Variants in PPARA observed in about 807,000 individuals in gnomAD.
PPARA encodes peroxisome proliferator activated receptor alpha.
In PPARA, 22 loss-of-function variants were observed where a neutral mutation model predicts 42.2. The ratio of observed to expected loss-of-function variants is 0.52; its 90% CI spans 0.37 to 0.74. The LOEUF is 0.74. PPARA is among the 30% of genes least tolerant of loss of function. The pLI is 0.00. For missense variants in PPARA, 465 were observed against 608.2 expected, an observed-to-expected ratio of 0.76 and a Z score of 2.48; for synonymous variants, 242 against 239.3, an observed-to-expected ratio of 1.01 and a Z score of -0.10.
At chr22:46,157,501 C>T (rs143971793) in intron 2 of PPARA, among the ~76,000 whole-genome samples, 33 of 152,338 alleles carry the variant, frequency 2.2e-4, no homozygotes, top group African/African-American at 7.7e-4. Flanking sequence ...CCTCCCATTA[C>T]AGCGGTGTTA....
rs1601808172 is a variant in PPARA, at chr22:46,225,833, C to T, written c.711+5819C>T. Among the ~76,000 whole-genome samples, 4 of 150,346 alleles carry T rather than the reference C, an allele frequency of 2.7e-5. No individual in the cohort carries two copies. The South Asian group carries it at 8.4e-4, about 32-fold the overall frequency. On this transcript the variant is annotated intron_variant, in intron 7 of 8. Transcript: ENST00000407236. This position sits in a 1 kb window ranked among gnomAD's most constrained non-coding sequence, Gnocchi z 4.1. ...CCCACACATGCACACAGACGCACCT[C>T]CACCCCCACACACGCACACACACAC...
chr22:46,152,298 C>T (rs1444878301), intron 2 of PPARA, among the ~76,000 whole-genome samples: 1 of 152,026 alleles, frequency 6.6e-6, no homozygotes, highest in African/African-American at 2.4e-5. Flanking sequence ...GCCACCATGC[C>T]CAGCTAATTT....
rs1248934392 is a variant in PPARA, at chr22:46,180,202, T to G, written c.-43+3366T>G. Among the ~76,000 whole-genome samples, 1 of 152,020 alleles carries G rather than the reference T, an allele frequency of 6.6e-6. No homozygotes were observed. Among genetic ancestry groups the G allele is most frequent in the Non-Finnish European group, 1.5e-5 (1 of 67,982 alleles). ...AAACAGGTTGGCAGTTGCTTTTTTT[T>G]TTTTTTGAGATGGAGTCTTGCTCTC... On this transcript the variant is annotated intron_variant, in intron 3 of 8. Coordinates refer to ENST00000407236, the MANE Select transcript of PPARA (RefSeq NM_005036.6). The surrounding 1 kb of genome is among the most constrained non-coding windows in gnomAD (Gnocchi z 4.2).
rs45550937 is a variant in PPARA at position 46,242,231 on chromosome 22, C to G, written c.*6851C>G. 0.1 allele frequency: 15,201 copies of G among 152,588 alleles called. 832 individuals are homozygous for G. The highest frequency in any genetic ancestry group is 0.11 in the Non-Finnish European group (7,665 of 68,040). The allele number at this position is 152,588 out of a possible 1,614,324, so 9.5% of individuals were successfully genotyped here. A position where few individuals can be genotyped will look rare whatever the true frequency, so the allele number is the denominator to read the frequency against. On this transcript the variant is annotated 3_prime_UTR_variant, in exon 9 of 9. Coordinates refer to ENST00000407236, the MANE Select transcript of PPARA (RefSeq NM_005036.6). The surrounding 1 kb of genome is among the most constrained non-coding windows in gnomAD (Gnocchi z 6.1). ...CCGGGCGTGGGGGGGCATGCCGCAGCCCTGGGACACAGTCGGGCACCTTCC... is the reference window on the plus strand; with the variant it reads ...CCGGGCGTGGGGGGGCATGCCGCAGGCCTGGGACACAGTCGGGCACCTTCC...
Position 46,224,705 on chromosome 22 carries a change from G to A in PPARA, c.711+4691G>A, listed in dbSNP as rs1171065388. ...TGGATTCATACGAACCGTAATGAAC[G>A]TGGGCTGTGTGCTGGGGAAGGCAGG... On this transcript the variant is annotated intron_variant, in intron 7 of 8. Transcript: ENST00000407236. The surrounding 1 kb of genome is among the most constrained non-coding windows in gnomAD (Gnocchi z 5.7). Among the ~76,000 whole-genome samples the A allele has an allele frequency of 1.3e-5, 2 of 152,096 alleles. No individual in the cohort carries two copies. Among genetic ancestry groups the A allele is most frequent in the Admixed American group, 6.6e-5 (1 of 15,266 alleles).
At chr22:46,158,634 A>G (rs1322485893) in intron 2 of PPARA, among the ~76,000 whole-genome samples, 4 of 152,340 alleles carry the variant, frequency 2.6e-5, no homozygotes, top group South Asian at 4.1e-4. Context: ...TGACATGCAA[A>G]TCTTGATGAT....
rs554098326 is a variant in PPARA at position 46,188,124 on chromosome 22, A to G, written c.-42-10218A>G. On this transcript the variant is annotated intron_variant, in intron 3 of 8. Transcript: ENST00000407236. The surrounding 1 kb of genome is among the most constrained non-coding windows in gnomAD (Gnocchi z 5.0). ...CAAAATGACCACAGCTATGTGAATTATCCCAGGTCAGACCAGTAGAAGAGC... is the reference window on the plus strand; with the variant it reads ...CAAAATGACCACAGCTATGTGAATTGTCCCAGGTCAGACCAGTAGAAGAGC... Among the ~76,000 whole-genome samples, 10 of 152,214 alleles carry G rather than the reference A, an allele frequency of 6.6e-5. No homozygotes were observed. Among genetic ancestry groups the G allele is most frequent in the Non-Finnish European group, 1.2e-4 (8 of 68,044 alleles).
intron 4 of PPARA, among the ~76,000 whole-genome samples, chr22:46,207,684 T>TTTTTTTTTTTTA (rs1933518929): frequency 8.6e-6 from 1 of 116,280 alleles, no homozygotes; most frequent in African/African-American, 4.2e-5. Flanking sequence ...ATTATTTTTT[T>TTTTTTTTTTTTA]TTTTTTTTTT....
intron 1 of PPARA, among the ~76,000 whole-genome samples, chr22:46,151,369 G>C (rs1421689658): frequency 6.6e-6 from 1 of 152,186 alleles, no homozygotes; most frequent in Non-Finnish European, 1.5e-5. Context: ...GCTGAGGGTC[G>C]GGCGCCCAGG....
rs755720826 is a variant in PPARA at position 46,195,748 on chromosome 22, C to T, written c.-42-2594C>T. 4.6e-5 allele frequency among the ~76,000 whole-genome samples: 7 copies of T among 152,042 alleles called. No homozygotes were observed. The highest frequency in any genetic ancestry group is 1.0e-4 in the Non-Finnish European group (7 of 68,024). ...ACTCTATCTGGAGAGTCTGGCGTTC[C>T]GTAATCACCATGTGATGACGGCTGC... On this transcript the variant is annotated intron_variant, in intron 3 of 8. Transcript: ENST00000407236. This position sits in a 1 kb window ranked among gnomAD's most constrained non-coding sequence, Gnocchi z 4.6.
In PPARA at chr22:46,242,592, A is replaced by C. The variant is rs1936401496; in HGVS notation, c.*7212A>C. 1 of 152,662 alleles carries C rather than the reference A, an allele frequency of 6.6e-6. No individual in the cohort carries two copies. Among genetic ancestry groups the C allele is most frequent in the African/African-American group, 2.4e-5 (1 of 41,458 alleles). 9.5% of individuals were successfully genotyped at this position (152,662 alleles called of 1,614,324 possible). A position where few individuals can be genotyped will look rare whatever the true frequency, so the allele number is the denominator to read the frequency against. On this transcript the variant is annotated 3_prime_UTR_variant, in exon 9 of 9. Coordinates refer to ENST00000407236, the MANE Select transcript of PPARA (RefSeq NM_005036.6). This position sits in a 1 kb window ranked among gnomAD's most constrained non-coding sequence, Gnocchi z 6.1. The stretch of plus-strand genomic sequence containing the variant: ...ATATTTTACTAACTTACAATCACTC[A>C]TTTAATAAGAAACATTTGGATTCTT...
rs774278148 is a variant in PPARA at position 46,235,173 on chromosome 22, G to C, written c.1200G>C (p.Met400Ile). Residue 400 changes from methionine (M) to isoleucine (I), a missense_variant, in exon 9 of 9, where the codon ATG becomes ATC. Coordinates refer to ENST00000407236, the MANE Select transcript of PPARA (RefSeq NM_005036.6). The surrounding 1 kb of genome is among the most constrained non-coding windows in gnomAD (Gnocchi z 7.0). ...GLLNVGHIEKMQEGIVHVLRL... is the reference protein window; with the variant it reads ...GLLNVGHIEKIQEGIVHVLRL... ...TAAACGTAGGACACATTGAAAAAAT[G>C]CAGGAGGGTATTGTACATGTGCTCA... 6 of 1,613,888 alleles carry C rather than the reference G, an allele frequency of 3.7e-6. No individual in the cohort carries two copies. The highest frequency in any genetic ancestry group is 3.3e-5 in the Admixed American group (2 of 59,992).
rs764639656 is a variant in PPARA, at chr22:46,203,747, C to T, written c.208+5156C>T. On this transcript the variant is annotated intron_variant, in intron 4 of 8. Transcript: ENST00000407236. This position sits in a 1 kb window ranked among gnomAD's most constrained non-coding sequence, Gnocchi z 5.8. ...GCTGGAGGCCAGGCTCCTCCCGCTG[C>T]GCAAGGTGAGAACTTCCCGTGGCTC... Among the ~76,000 whole-genome samples the T allele has an allele frequency of 6.6e-6, 1 of 152,250 alleles. No individual in the cohort carries two copies. Among genetic ancestry groups the T allele is most frequent in the Non-Finnish European group, 1.5e-5 (1 of 68,040 alleles).
At chr22:46,206,194 T>C (rs995808886) in intron 4 of PPARA, among the ~76,000 whole-genome samples, 2 of 152,144 alleles carry the variant, frequency 1.3e-5, no homozygotes, top group African/African-American at 4.8e-5. Context: ...CTCTGCCTCC[T>C]GGGTTCAAGC....
rs1039009881 is a variant in PPARA, at chr22:46,193,025, A to G, written c.-42-5317A>G. On this transcript the variant is annotated intron_variant, in intron 3 of 8. Coordinates refer to ENST00000407236, the MANE Select transcript of PPARA (RefSeq NM_005036.6). The surrounding 1 kb of genome is among the most constrained non-coding windows in gnomAD (Gnocchi z 5.3). Reference sequence around the variant, plus strand: ...TGAAGATGGTTAACAGGTACAAAAAACTAGAAAGAATGAATAAGACCCACT... The same window carrying G: ...TGAAGATGGTTAACAGGTACAAAAAGCTAGAAAGAATGAATAAGACCCACT... Among the ~76,000 whole-genome samples, 5 of 152,154 alleles carry G rather than the reference A, an allele frequency of 3.3e-5. No homozygotes were observed. The highest frequency in any genetic ancestry group is 6.6e-5 in the Admixed American group (1 of 15,248).
In PPARA at chr22:46,226,158, CATAT is replaced by C. The variant is rs10570542; in HGVS notation, c.712-5624_712-5621del. Among the ~76,000 whole-genome samples the C allele has an allele frequency of 1.7e-3, 261 of 151,498 alleles. 1 individual carries two copies. The highest frequency in any genetic ancestry group is 5.8e-3 in the African/African-American group (240 of 41,244). On this transcript the variant is annotated intron_variant, in intron 7 of 8. Coordinates refer to ENST00000407236, the MANE Select transcript of PPARA (RefSeq NM_005036.6). ...ACCCACACATATACAAGCATGCACA[CATAT>C]ATATATATACACATGCTCACACGCA... is the stretch of plus-strand genomic sequence containing the variant.
intron 2 of PPARA, chr22:46,155,715 C>G (rs904771824): frequency 6.6e-6 from 1 of 152,206 alleles, no homozygotes; most frequent in African/African-American, 2.4e-5. Context: ...GCTAGATCAC[C>G]TTTAAGGCCA....
rs957967713 is a variant in PPARA at position 46,225,698 on chromosome 22, G to GAC, written c.711+5692_711+5693dup. 7.4e-5 allele frequency among the ~76,000 whole-genome samples: 10 copies of GAC among 134,474 alleles called. No homozygotes were observed. The highest frequency in any genetic ancestry group is 2.4e-4 in the South Asian group (1 of 4,146). The allele number at this position is 134,474 out of a possible 152,430, so 88.2% of individuals were successfully genotyped here. A position where few individuals can be genotyped will look rare whatever the true frequency, so the allele number is the denominator to read the frequency against. ...ACCTCCACCCCCATACATGCACATG[G>GAC]ACACACACATGCACCCACACGCACA... On this transcript the variant is annotated intron_variant, in intron 7 of 8. Coordinates refer to ENST00000407236, the MANE Select transcript of PPARA (RefSeq NM_005036.6). The surrounding 1 kb of genome is among the most constrained non-coding windows in gnomAD (Gnocchi z 4.1).
At position 46,204,837 on chromosome 22, in the gene PPARA, T is replaced by TAA. The variant is rs34142992; in HGVS notation, c.208+6257_208+6258dup. ...TCTTTTCTTTCTACTGATAGTATCT[T>TAA]AAAAAAAAAAAAGAAAAAAGATTGT... On this transcript the variant is annotated intron_variant, in intron 4 of 8. Coordinates refer to ENST00000407236, the MANE Select transcript of PPARA (RefSeq NM_005036.6). This position sits in a 1 kb window ranked among gnomAD's most constrained non-coding sequence, Gnocchi z 5.2. 6.2e-5 allele frequency among the ~76,000 whole-genome samples: 9 copies of TAA among 145,084 alleles called. No individual in the cohort carries two copies. Among genetic ancestry groups the TAA allele is most frequent in the African/African-American group, 1.5e-4 (6 of 39,872 alleles).
Sources: allele counts gnomAD v4.1 joint callset (sites outside exome capture counted in the v4.1 genomes callset), GRCh38; gene constraint gnomAD v4.1.1; non-coding constraint Gnocchi (gnomAD v3.1); transcripts MANE v1.5; gene names NCBI Gene and HGNC (gene_info 2026-07-23, HGNC 2026-07-21).